The following PCDHAC2 variants were observed in gnomAD, a reference collection of about 807,000 sequenced individuals.
PCDHAC2 encodes the protein protocadherin alpha-C2.
PCDHAC2 carries 24 observed loss-of-function variants against 63.3 expected under a neutral mutation model. The observed-to-expected ratio is 0.38, with a 90% CI of 0.27 to 0.53. The LOEUF is 0.53. PCDHAC2 is among the 20% of genes least tolerant of loss of function. The pLI is 0.81. For synonymous variants in PCDHAC2, 569 were observed against 529.4 expected (o/e 1.07, Z -1.03); for missense variants, 1,181 against 1,275.2 (o/e 0.93, Z 1.12).
At chr5:140,990,740 G>A (rs76434886) in intron 3 of PCDHAC2, among the ~76,000 whole-genome samples, 1 of 152,170 alleles carries the variant, frequency 6.6e-6, no homozygotes, top group African/African-American at 2.4e-5. Flanking sequence ...AACAGCCCTA[G>A]GGTGGATACC....
In PCDHAC2 at chr5:141,010,363, G is replaced by A; in HGVS notation, c.*426G>A. On this transcript the variant is annotated 3_prime_UTR_variant, in exon 4 of 4. Coordinates refer to ENST00000289269, the MANE Select transcript of PCDHAC2 (RefSeq NM_018899.6). ...CACTGGGTATGTGTGGCTACCGCGG[G>A]TATGCGAGTGCCAGATATTGGCTGA... 7 of 1,480,446 alleles carry A rather than the reference G, an allele frequency of 4.7e-6. No homozygotes were observed. The highest frequency in any genetic ancestry group is 5.4e-6 in the Non-Finnish European group (6 of 1,112,646). 91.7% of individuals were successfully genotyped at this position (1,480,446 alleles called of 1,614,324 possible). A position where few individuals can be genotyped will look rare whatever the true frequency, so the allele number is the denominator to read the frequency against.
At position 141,010,202 on chromosome 5, in the gene PCDHAC2, G is replaced by C; in HGVS notation, c.*265G>C. 6.4e-7 allele frequency: 1 copy of C among 1,551,944 alleles called. No homozygotes were observed. The highest frequency in any genetic ancestry group is 8.7e-7 in the Non-Finnish European group (1 of 1,147,050). The stretch of plus-strand genomic sequence containing the variant: ...CAGACCCAAGTTTCCTTTCTCCTCC[G>C]CCGCAAAGGAGAGGCTTCCCAGCCC... On this transcript the variant is annotated 3_prime_UTR_variant, in exon 4 of 4. Coordinates refer to ENST00000289269, the MANE Select transcript of PCDHAC2 (RefSeq NM_018899.6).
At position 140,967,771 on chromosome 5, in the gene PCDHAC2, G is replaced by A. The variant is rs1554229926; in HGVS notation, c.1005G>A (p.Val335=). 2 of 1,614,222 alleles carry A rather than the reference G, an allele frequency of 1.2e-6. No homozygotes were observed. Among genetic ancestry groups the A allele is most frequent in the Non-Finnish European group, 1.7e-6 (2 of 1,180,042 alleles). The change falls in exon 1 of 4, where the codon GTG becomes GTA. Residue 335 remains valine, a synonymous_variant. Transcript: ENST00000289269. The part of the protein sequence containing the change: ...YEEASSYQIY[V]QATDRGPVPM... ...AAGCCTCCTCCTACCAGATCTATGT[G>A]CAGGCGACTGACCGGGGTCCAGTGC...
intron 3 of PCDHAC2, among the ~76,000 whole-genome samples, chr5:141,009,296 T>A (rs889577032): frequency 3.3e-4 from 50 of 152,004 alleles, no homozygotes; most frequent in Non-Finnish European, 5.3e-4. Context: ...TTCTATAAAA[T>A]TTTTTTTAAA....
intron 3 of PCDHAC2, among the ~76,000 whole-genome samples, chr5:140,995,275 A>G (rs1383239362): frequency 6.6e-6 from 1 of 152,146 alleles, no homozygotes; most frequent in African/African-American, 2.4e-5. Context: ...GCCCTTTGAT[A>G]CCAAAACAGC....
In PCDHAC2 at chr5:140,968,869, C is replaced by T; in HGVS notation, c.2103C>T (p.Tyr701=). Reference sequence around the variant, plus strand: ...GGCATGTTAAGAGCCCTCGGACATACTCTGAAATTACCCTTTATCTAATAA... The same window carrying T: ...GGCATGTTAAGAGCCCTCGGACATATTCTGAAATTACCCTTTATCTAATAA... ...TQRHVKSPRT[Y]SEITLYLIIA... The change falls in exon 1 of 4, where the codon TAC becomes TAT. Residue 701 remains tyrosine (Y), a synonymous_variant. Transcript: ENST00000289269. 6.2e-7 allele frequency: 1 copy of T among 1,614,210 alleles called. No homozygotes were observed. The highest frequency in any genetic ancestry group is 8.5e-7 in the Non-Finnish European group (1 of 1,180,032).
chr5:140,979,088 A>G, intron 2 of PCDHAC2, 81 bp downstream of exon 2: 1 of 1,559,594 alleles, frequency 6.4e-7, no homozygotes, highest in Non-Finnish European at 8.7e-7. Flanking sequence ...ATAGGCCAGA[A>G]GCAGCTGTCA....
Position 141,010,878 on chromosome 5 carries a change from A to C in PCDHAC2, c.*941A>C, listed in dbSNP as rs2098418656. 1.3e-5 allele frequency: 2 copies of C among 153,770 alleles called. No homozygotes were observed. Among genetic ancestry groups the C allele is most frequent in the South Asian group, 4.1e-4 (2 of 4,830 alleles). The allele number at this position is 153,770 out of a possible 1,614,324, so 9.5% of individuals were successfully genotyped here. ...GAAAGTCTATAGCTATAAATCTTTA[A>C]AGAGAAATATGAATACAATTCCCCT... On this transcript the variant is annotated 3_prime_UTR_variant, in exon 4 of 4. Transcript: ENST00000289269.
rs760426957 is a variant in PCDHAC2, at chr5:141,009,783, G to A, written c.2870G>A (p.Arg957Gln). 2.5e-6 allele frequency: 4 copies of A among 1,613,880 alleles called. No individual in the cohort carries two copies. Among genetic ancestry groups the A allele is most frequent in the Admixed American group, 3.3e-5 (2 of 59,976 alleles). Reference protein sequence around the residue: ...IPGSPAIISIRQEPTNSQIDK... With the variant: ...IPGSPAIISIQQEPTNSQIDK... ...GGATCTCCTGCAATCATCTCCATCC[G>A]GCAGGAGCCTACTAACAGCCAAATT... is the stretch of plus-strand genomic sequence containing the variant. Residue 957 changes from arginine (R) to glutamine (Q), a missense_variant, in exon 4 of 4, where the codon CGG becomes CAG. Transcript: ENST00000289269.
At chr5:140,990,780 G>A (rs900658402) in intron 3 of PCDHAC2, among the ~76,000 whole-genome samples, 20 of 152,192 alleles carry the variant, frequency 1.3e-4, no homozygotes, top group African/African-American at 4.8e-4. Flanking sequence ...CTCTGTGTTG[G>A]ACGATGAACC....
At position 140,969,018 on chromosome 5, in the gene PCDHAC2, G is replaced by A. The variant is rs143196630; in HGVS notation, c.2252G>A (p.Arg751Lys). The change falls in exon 1 of 4, where the codon AGG becomes AAG. Residue 751 changes from arginine (R) to lysine (K), a missense_variant. Transcript: ENST00000289269. ...GGAGGCTTCTGTGGAGTAAGGGAAA[G>A]GTCCCCTGCAGAACTGTACAAACAA... ...CCGGFCGVRE[R>K]SPAELYKQAN... is the part of the protein sequence containing the mutation. 33 of 1,614,058 alleles carry A rather than the reference G, an allele frequency of 2.0e-5. 1 individual carries two copies. In the Middle Eastern group the frequency reaches 4.9e-4, roughly 24 times the overall value.
intron 3 of PCDHAC2, among the ~76,000 whole-genome samples, chr5:141,000,587 C>A (rs181671847): frequency 0.01 from 1,575 of 150,790 alleles, 20 homozygotes; most frequent in Non-Finnish European, 0.016. Context: ...GCCACCATGC[C>A]CAGCTAATTT....
At chr5:140,976,794 A>T (rs1199342082) in intron 1 of PCDHAC2, among the ~76,000 whole-genome samples, 1 of 152,230 alleles carries the variant, frequency 6.6e-6, no homozygotes, top group East Asian at 1.9e-4. Context: ...CTACGCTTTT[A>T]TGAATATCTG....
chr5:140,989,630 G>C (rs1483532761), intron 3 of PCDHAC2, among the ~76,000 whole-genome samples: 4 of 152,228 alleles, frequency 2.6e-5, no homozygotes, highest in Admixed American at 2.6e-4. Context: ...CCTAGTGACA[G>C]CAAGGGTCTT....
intron 3 of PCDHAC2, among the ~76,000 whole-genome samples, chr5:140,993,250 T>G (rs1554253518): frequency 6.6e-6 from 1 of 152,154 alleles, no homozygotes; most frequent in East Asian, 1.9e-4. Context: ...GGGATTTAGA[T>G]ATATAAATTA....
At chr5:140,989,174 G>T (rs1305141291) in intron 3 of PCDHAC2, among the ~76,000 whole-genome samples, 3 of 152,132 alleles carry the variant, frequency 2.0e-5, no homozygotes, top group Non-Finnish European at 4.4e-5. Flanking sequence ...TAAAACAGGA[G>T]AGTTTCTGAA....
intron 1 of PCDHAC2, among the ~76,000 whole-genome samples, chr5:140,973,624 A>G (rs2096595807): frequency 6.6e-6 from 1 of 152,204 alleles, no homozygotes; most frequent in African/African-American, 2.4e-5. Flanking sequence ...CTGTTTCTGT[A>G]TCTTGTACAC....
In PCDHAC2 at chr5:140,976,792, T is replaced by C. The variant is rs982135806; in HGVS notation, c.2566-2157T>C. 2.1e-4 allele frequency among the ~76,000 whole-genome samples: 32 copies of C among 152,216 alleles called. 1 individual carries two copies. The highest frequency in any genetic ancestry group is 1.0e-3 in the Admixed American group (16 of 15,274). ...AGACTCTGACTATATAGCTACGCTT[T>C]TATGAATATCTGAAGATATGCATGT... On this transcript the variant is annotated intron_variant, in intron 1 of 3. Coordinates refer to ENST00000289269, the MANE Select transcript of PCDHAC2 (RefSeq NM_018899.6).
chr5:140,989,528 G>A (rs1451731382), intron 3 of PCDHAC2, among the ~76,000 whole-genome samples: 2 of 152,178 alleles, frequency 1.3e-5, no homozygotes, highest in African/African-American at 4.8e-5. Context: ...GGCAGAGGAG[G>A]AAGATAGTTT....
Sources: allele counts gnomAD v4.1 joint callset (sites outside exome capture counted in the v4.1 genomes callset), GRCh38; gene constraint gnomAD v4.1.1; transcripts MANE v1.5; gene names NCBI Gene and HGNC (gene_info 2026-07-23, HGNC 2026-07-21).